DRC8: variants seen among roughly 807,000 people sequenced by gnomAD.
The protein encoded by DRC8 is dynein regulatory complex subunit 8.
chr1:245,049,300 T>C, the DRC8 span, among the ~76,000 whole-genome samples: 808 of 152,300 alleles, frequency 5.3e-3, 4 homozygotes, highest in African/African-American at 0.018. The surrounding 1 kb of genome is among the most constrained non-coding windows in gnomAD (Gnocchi z 4.5). Flanking sequence ...GTAGGTCTTC[T>C]AAGACAAGAA....
the DRC8 span, among the ~76,000 whole-genome samples, chr1:245,047,193 C>A: frequency 1.3e-5 from 2 of 152,204 alleles, no homozygotes; most frequent in African/African-American, 4.8e-5. Flanking sequence ...CCACGTGTAA[C>A]TTTTGACTCT....
chr1:245,119,226 T>G, the DRC8 span, among the ~76,000 whole-genome samples: 7 of 152,228 alleles, frequency 4.6e-5, no homozygotes. Flanking sequence ...AGTAAAATAA[T>G]TTCTCACTTC....
the DRC8 span, among the ~76,000 whole-genome samples, chr1:245,052,277 A>G: frequency 6.6e-6 from 1 of 152,224 alleles, no homozygotes; most frequent in African/African-American, 2.4e-5. Flanking sequence ...AGTGCTTTGC[A>G]GGAACAAAGA....
the DRC8 span, among the ~76,000 whole-genome samples, chr1:245,095,150 C>T: frequency 2.0e-5 from 3 of 152,192 alleles, no homozygotes; most frequent in Admixed American, 6.5e-5. Flanking sequence ...CGTGCAGGGC[C>T]GCTGCTGCAG....
At chr1:244,970,526 G>T in the DRC8 span, 1 of 1,482,756 alleles carries the variant, frequency 6.7e-7, no homozygotes, top group Non-Finnish European at 8.9e-7. Flanking sequence ...GGTGGGGTGG[G>T]CCCTCGTCCA....
chr1:245,029,556 C>A, the DRC8 span, among the ~76,000 whole-genome samples: 4 of 151,668 alleles, frequency 2.6e-5, no homozygotes, highest in African/African-American at 9.7e-5. Flanking sequence ...TCTCAGCCCT[C>A]CCAAAGTGTT....
chr1:245,099,986 T>C, the DRC8 span, among the ~76,000 whole-genome samples: 1 of 152,342 alleles, frequency 6.6e-6, no homozygotes, highest in African/African-American at 2.4e-5. Flanking sequence ...ATGTAAGGCA[T>C]TATTTTATTT....
chr1:245,014,031 C>CAAAAAAAA, the DRC8 span, among the ~76,000 whole-genome samples: 1 of 93,138 alleles, frequency 1.1e-5, no homozygotes, highest in African/African-American at 4.4e-5. Flanking sequence ...GACTCCATCT[C>CAAAAAAAA]AAAAAAAAAA....
the DRC8 span, among the ~76,000 whole-genome samples, chr1:245,104,460 C>T: frequency 2.3e-4 from 35 of 150,402 alleles, no homozygotes; most frequent in Non-Finnish European, 4.6e-4. Flanking sequence ...GCGGAGATTG[C>T]GCCACTGCAC....
chr1:245,017,659 G>A, the DRC8 span, among the ~76,000 whole-genome samples: 2 of 152,196 alleles, frequency 1.3e-5, no homozygotes, highest in Non-Finnish European at 2.9e-5. Context: ...TGAAGGAACA[G>A]CATTTGCTTT....
chr1:245,069,560 AG>A, the DRC8 span, among the ~76,000 whole-genome samples: 4 of 152,168 alleles, frequency 2.6e-5, no homozygotes, highest in African/African-American at 9.7e-5. Flanking sequence ...ACTGCATGTG[AG>A]GTATCCAAAA....
the DRC8 span, among the ~76,000 whole-genome samples, chr1:245,048,506 C>G: frequency 6.6e-6 from 1 of 151,634 alleles, no homozygotes; most frequent in South Asian, 2.1e-4. Context: ...GTGAAATGTG[C>G]TTATCTTGTT....
chr1:245,025,959 C>T, the DRC8 span, among the ~76,000 whole-genome samples: 2 of 152,180 alleles, frequency 1.3e-5, no homozygotes, highest in Non-Finnish European at 2.9e-5. Context: ...TCCATGAAGC[C>T]TCTTTTTCTT....
At chr1:245,076,874 A>C in the DRC8 span, among the ~76,000 whole-genome samples, 5 of 151,982 alleles carry the variant, frequency 3.3e-5, no homozygotes, top group East Asian at 1.9e-4. Context: ...CTACAGGTGC[A>C]CACCACCATG....
At chr1:245,000,673 C>T in the DRC8 span, among the ~76,000 whole-genome samples, 2 of 151,826 alleles carry the variant, frequency 1.3e-5, no homozygotes, top group African/African-American at 4.8e-5. Flanking sequence ...CCCAGCTACT[C>T]TGGAGGCTGA....
chr1:245,053,847 CTA>C, the DRC8 span, among the ~76,000 whole-genome samples: 65 of 152,160 alleles, frequency 4.3e-4, no homozygotes, highest in African/African-American at 1.4e-3. Context: ...GGGAAATTTC[CTA>C]TGATAGGGAA....
the DRC8 span, among the ~76,000 whole-genome samples, chr1:245,048,252 A>C: frequency 6.6e-6 from 1 of 152,156 alleles, no homozygotes. Flanking sequence ...CTCAACTTTT[A>C]CTTCAGGAAA....
the DRC8 span, among the ~76,000 whole-genome samples, chr1:245,086,293 A>G: frequency 2.6e-5 from 4 of 152,266 alleles, no homozygotes; most frequent in Admixed American, 2.0e-4. Flanking sequence ...ACGATTTAAT[A>G]TAACAGACCC....
At chr1:245,049,220 A>G in the DRC8 span, among the ~76,000 whole-genome samples, 1 of 152,188 alleles carries the variant, frequency 6.6e-6, no homozygotes, top group Admixed American at 6.5e-5. This position sits in a 1 kb window ranked among gnomAD's most constrained non-coding sequence, Gnocchi z 4.5. Context: ...CCTGGCCTCA[A>G]GTGATCCACC....
Sources: allele counts gnomAD v4.1 joint callset (sites outside exome capture counted in the v4.1 genomes callset), GRCh38; gene constraint gnomAD v4.1.1; non-coding constraint Gnocchi (gnomAD v3.1); transcripts MANE v1.5; gene names NCBI Gene and HGNC (gene_info 2026-07-23, HGNC 2026-07-21).